Variants in TUSC3 observed in about 807,000 individuals in gnomAD.
TUSC3 encodes tumor suppressor candidate 3, also known as dolichyl-diphosphooligosaccharide--protein glycosyltransferase subunit TUSC3.
TUSC3 carries 45 observed loss-of-function variants against 44.8 expected under a neutral mutation model. The ratio of observed to expected loss-of-function variants is 1.00; its 90% CI spans 0.79 to 1.29. The LOEUF (loss-of-function observed/expected upper bound fraction) is 1.29. Ranked by LOEUF, TUSC3 falls within the 50% of genes most tolerant of loss-of-function variation. The probability of loss-of-function intolerance (pLI) is 0.00; values close to 1 mark genes in which losing one functional copy is unlikely to be tolerated. For missense variants in TUSC3, 519 were observed against 437.9 expected (o/e 1.19, Z -1.65); for synonymous variants, 212 against 152.9 (o/e 1.39, Z -2.85).
At chr8:15,710,609 G>A (rs1285483392) in intron 6 of TUSC3, among the ~76,000 whole-genome samples, 4 of 151,682 alleles carry the variant, frequency 2.6e-5, no homozygotes, top group African/African-American at 7.3e-5. Flanking sequence ...CCAGAGGTTG[G>A]CTGAGCAAAC....
At chr8:15,811,878 C>T in the TUSC3 span, among the ~76,000 whole-genome samples, 3 of 151,816 alleles carry the variant, frequency 2.0e-5, no homozygotes, top group African/African-American at 7.3e-5. Flanking sequence ...GCCAGTTCTC[C>T]AGGCACTGAT....
At chr8:15,620,453 T>TAATACAC (rs1563137784) in intron 1 of TUSC3, among the ~76,000 whole-genome samples, 1 of 152,196 alleles carries the variant, frequency 6.6e-6, no homozygotes, top group Admixed American at 6.5e-5. Flanking sequence ...TGATTTTTTT[T>TAATACAC]AGTATTAAAC....
chr8:15,550,589 C>T (rs1030299215), intron 1 of TUSC3, among the ~76,000 whole-genome samples: 1 of 151,610 alleles, frequency 6.6e-6, no homozygotes, highest in Non-Finnish European at 1.5e-5. Flanking sequence ...CATCCCCTGT[C>T]CTTTCGCCAC....
chr8:15,730,537 T>C, intron 6 of TUSC3, 129 bp from the exon 7 acceptor site: 1 of 855,856 alleles, frequency 1.2e-6, no homozygotes, highest in Non-Finnish European at 1.9e-6. Flanking sequence ...AATTGGAACT[T>C]AGTAGAAAGT....
chr8:15,449,140 G>A (rs540200272), intron 1 of TUSC3, among the ~76,000 whole-genome samples: 1 of 152,128 alleles, frequency 6.6e-6, no homozygotes, highest in African/African-American at 2.4e-5. Context: ...TGAAGCCTCT[G>A]GCCAGAAGCT....
chr8:15,516,696 A>T (rs1585072892), intron 2 of TUSC3, among the ~76,000 whole-genome samples: 1 of 152,188 alleles, frequency 6.6e-6, no homozygotes, highest in Non-Finnish European at 1.5e-5. Flanking sequence ...TTGGCAGGCC[A>T]TATTTAGACA....
intron 2 of TUSC3, among the ~76,000 whole-genome samples, chr8:15,504,616 TATA>T (rs1195936940): frequency 1.4e-3 from 33 of 24,072 alleles, no homozygotes; most frequent in African/African-American, 4.0e-3. Flanking sequence ...TATATATATA[TATA>T]TATTTTTTTT....
chr8:15,524,908 G>A (rs577525496), intron 2 of TUSC3, among the ~76,000 whole-genome samples: 1 of 152,258 alleles, frequency 6.6e-6, no homozygotes, highest in South Asian at 2.1e-4. Flanking sequence ...CAGTGAAATG[G>A]TAAAAGACTA....
the TUSC3 span, among the ~76,000 whole-genome samples, chr8:15,786,079 A>C: frequency 1.3e-5 from 2 of 152,218 alleles, 1 homozygote; most frequent in South Asian, 4.1e-4. Context: ...AAAGCTAATA[A>C]ATTTTGTATA....
At chr8:15,833,494 G>A in the TUSC3 span, among the ~76,000 whole-genome samples, 2 of 152,170 alleles carry the variant, frequency 1.3e-5, no homozygotes, top group Non-Finnish European at 2.9e-5. Context: ...TGAAGAAAAT[G>A]TGGTAGTCCA....
intron 2 of TUSC3, among the ~76,000 whole-genome samples, chr8:15,487,010 G>A (rs1800741193): frequency 6.6e-6 from 1 of 152,248 alleles, no homozygotes; most frequent in East Asian, 1.9e-4. Context: ...GCAGAAATGT[G>A]TGCACTGAAA....
intron 2 of TUSC3, among the ~76,000 whole-genome samples, chr8:15,523,806 C>T (rs1297292600): frequency 6.7e-6 from 1 of 149,552 alleles, no homozygotes; most frequent in East Asian, 2.0e-4. Context: ...GCCTGTAATC[C>T]CAGCACTTTG....
chr8:15,798,014 A>T, the TUSC3 span, among the ~76,000 whole-genome samples: 1 of 152,140 alleles, frequency 6.6e-6, no homozygotes, highest in Non-Finnish European at 1.5e-5. Context: ...CCTTTCCCTA[A>T]GATGCTATAC....
At chr8:15,518,571 C>A (rs148491934) in intron 2 of TUSC3, among the ~76,000 whole-genome samples, 2 of 152,102 alleles carry the variant, frequency 1.3e-5, no homozygotes, top group African/African-American at 2.4e-5. Context: ...AAAATACAAT[C>A]TCAGCTTTTA....
At chr8:15,816,766 TACACCTAGC>T in the TUSC3 span, among the ~76,000 whole-genome samples, 1 of 152,214 alleles carries the variant, frequency 6.6e-6, no homozygotes, top group African/African-American at 2.4e-5. Context: ...GGCATGTTTT[TACACCTAGC>T]ACATAATTCA....
intron 1 of TUSC3, among the ~76,000 whole-genome samples, chr8:15,426,080 A>C (rs994212966): frequency 6.6e-6 from 1 of 152,236 alleles, no homozygotes; most frequent in Admixed American, 6.5e-5. Flanking sequence ...TTTATTTTTA[A>C]CAGCTGTATT....
At chr8:15,638,139 T>G (rs907123002) in intron 2 of TUSC3, among the ~76,000 whole-genome samples, 1 of 152,146 alleles carries the variant, frequency 6.6e-6, no homozygotes, top group African/African-American at 2.4e-5. Context: ...TGAGATTCTG[T>G]CTTTCTTGGG....
chr8:15,775,615 C>CAT, the TUSC3 span, among the ~76,000 whole-genome samples: 19 of 135,962 alleles, frequency 1.4e-4, no homozygotes, highest in South Asian at 1.2e-3. Flanking sequence ...CATGTATGTA[C>CAT]ATATATATAT....
intron 6 of TUSC3, among the ~76,000 whole-genome samples, chr8:15,684,969 A>G (rs1374220269): frequency 6.6e-6 from 1 of 152,152 alleles, no homozygotes; most frequent in South Asian, 2.1e-4. Context: ...CATGGATCAG[A>G]TGCACCCCAG....
Sources: gnomAD v4.1 joint callset for allele counts (sites outside exome capture counted in the v4.1 genomes callset) on GRCh38, gnomAD v4.1.1 for gene constraint, MANE v1.5 for transcripts, NCBI Gene and HGNC (gene_info 2026-07-23, HGNC 2026-07-21) for gene names.